Variants in MALRD1 observed in about 807,000 individuals in gnomAD.
MALRD1 encodes MAM and LDL-receptor class A domain-containing protein 1.
A neutral mutation model predicts 242.1 loss-of-function variants in MALRD1; 247 were observed. The ratio of observed to expected loss-of-function variants is 1.02; its 90% CI spans 0.92 to 1.13. The LOEUF (loss-of-function observed/expected upper bound fraction) is 1.13, where lower values mean the gene tolerates loss of function less well. MALRD1 is among the 50% of genes most tolerant of loss of function. The pLI, the probability that MALRD1 is intolerant of heterozygous loss-of-function variation, is 0.00. For missense variants in MALRD1, 2,989 were observed against 2,533.1 expected, an observed-to-expected ratio of 1.18 and a Z score of -3.86; for synonymous variants, 995 against 866.6, an observed-to-expected ratio of 1.15 and a Z score of -2.60.
At chr10:19,342,316 G>A (rs964612592) in intron 24 of MALRD1, among the ~76,000 whole-genome samples, 3 of 152,060 alleles carry the variant, frequency 2.0e-5, no homozygotes, top group Non-Finnish European at 2.9e-5. Context: ...ATCTAAGGAA[G>A]CATCTTATAA....
chr10:19,657,878 C>G (rs541904426), intron 36 of MALRD1, among the ~76,000 whole-genome samples: 1 of 152,154 alleles, frequency 6.6e-6, no homozygotes, highest in South Asian at 2.1e-4. Flanking sequence ...CCAGGTACAA[C>G]AGCTCATGCC....
chr10:19,312,526 G>C (rs1199633541), intron 21 of MALRD1, among the ~76,000 whole-genome samples: 1 of 150,910 alleles, frequency 6.6e-6, no homozygotes, highest in Non-Finnish European at 1.5e-5. Context: ...ATCTAGAAAA[G>C]TGTTTCAATA....
chr10:19,340,419 G>T (rs915346490), intron 24 of MALRD1, among the ~76,000 whole-genome samples: 3 of 150,834 alleles, frequency 2.0e-5, no homozygotes, highest in Non-Finnish European at 4.4e-5. Context: ...GGGCTTACTT[G>T]TAAGGTGTGG....
intron 1 of MALRD1, among the ~76,000 whole-genome samples, chr10:19,053,231 G>T (rs966572274): frequency 6.6e-6 from 1 of 152,210 alleles, no homozygotes; most frequent in African/African-American, 2.4e-5. Context: ...ACACTTGTAA[G>T]CACACGTGAT....
chr10:19,697,133 GA>G (rs1238121778), intron 38 of MALRD1, among the ~76,000 whole-genome samples: 1 of 152,122 alleles, frequency 6.6e-6, no homozygotes, highest in African/African-American at 2.4e-5. Context: ...AGGATACAGA[GA>G]TAGAGACAGA....
At chr10:19,515,486 C>T (rs7087993) in intron 31 of MALRD1, among the ~76,000 whole-genome samples, 106,138 of 151,996 alleles carry the variant, frequency 0.7, 37,723 homozygotes, top group African/African-American at 0.84. Context: ...TCAAGGTTTT[C>T]TTTTAGTAGG....
intron 1 of MALRD1, among the ~76,000 whole-genome samples, chr10:19,059,566 T>C (rs1834762163): frequency 6.6e-6 from 1 of 151,994 alleles, no homozygotes; most frequent in South Asian, 2.1e-4. Flanking sequence ...TTTTTGTATT[T>C]TTCTTAGTAG....
chr10:19,370,612 C>T (rs1472599861), intron 26 of MALRD1, among the ~76,000 whole-genome samples: 1 of 152,130 alleles, frequency 6.6e-6, no homozygotes, highest in African/African-American at 2.4e-5. Context: ...CTCACTGGCT[C>T]TGTTGCCCAG....
At chr10:19,611,503 A>C (rs1453785581) in intron 35 of MALRD1, among the ~76,000 whole-genome samples, 1 of 152,044 alleles carries the variant, frequency 6.6e-6, no homozygotes, top group African/African-American at 2.4e-5. Flanking sequence ...TCAGTTGTGA[A>C]TTGTATTGGC....
At chr10:19,643,109 G>T (rs999407095) in intron 36 of MALRD1, among the ~76,000 whole-genome samples, 2 of 152,082 alleles carry the variant, frequency 1.3e-5, no homozygotes, top group African/African-American at 2.4e-5. Flanking sequence ...TAGTAGTAAT[G>T]TGGTAATTAG....
At position 19,679,287 on chromosome 10, in the gene MALRD1, G is replaced by A. The variant is rs141927180; in HGVS notation, c.6138-12995G>A. On this transcript the variant is annotated intron_variant, in intron 36 of 39. Transcript: ENST00000454679. ...AATTCAGTAGTAAATTCAACTGGTC[G>A]TGGGCTTTTATTTGTTGGTAGACTA... Among the ~76,000 whole-genome samples the A allele has an allele frequency of 1.9e-4, 29 of 152,018 alleles. 2 individuals are homozygous for A. The East Asian group carries it at 5.2e-3, about 27-fold the overall frequency.
At chr10:19,248,366 T>A (rs1376822131) in intron 18 of MALRD1, among the ~76,000 whole-genome samples, 2 of 150,934 alleles carry the variant, frequency 1.3e-5, no homozygotes, top group Non-Finnish European at 2.9e-5. Flanking sequence ...CAAAGTCAGT[T>A]ACATAATGAA....
chr10:19,063,352 CA>C (rs1240803196), intron 1 of MALRD1, among the ~76,000 whole-genome samples: 1 of 152,094 alleles, frequency 6.6e-6, no homozygotes, highest in Non-Finnish European at 1.5e-5. Flanking sequence ...ATAATTCTTA[CA>C]TTGTGTTCTG....
intron 28 of MALRD1, among the ~76,000 whole-genome samples, chr10:19,425,128 G>C (rs1366649471): frequency 6.6e-6 from 1 of 152,074 alleles, no homozygotes; most frequent in Non-Finnish European, 1.5e-5. Flanking sequence ...TTGTCTTCCA[G>C]AGTGGCTTTC....
intron 29 of MALRD1, among the ~76,000 whole-genome samples, chr10:19,464,765 T>A (rs1836134785): frequency 6.6e-6 from 1 of 152,176 alleles, no homozygotes; most frequent in Non-Finnish European, 1.5e-5. Context: ...GGTATTTTCA[T>A]GGGAACTACA....
In MALRD1 at chr10:19,352,661, A is replaced by C. The variant is rs539353815; in HGVS notation, c.4441+364A>C. On this transcript the variant is annotated intron_variant, in intron 26 of 39. Coordinates refer to ENST00000454679, the MANE Select transcript of MALRD1 (RefSeq NM_001142308.3). ...AGGTAAATTGAGGACAGAGTTATTCAATTTTAATTAGACATTTTTGTGGTT... is the reference window on the plus strand; with the variant it reads ...AGGTAAATTGAGGACAGAGTTATTCCATTTTAATTAGACATTTTTGTGGTT... Among the ~76,000 whole-genome samples the C allele has an allele frequency of 8.5e-5, 13 of 152,300 alleles. No homozygotes were observed. In the East Asian group the frequency reaches 2.3e-3, roughly 27 times the overall value.
chr10:19,680,361 T>A (rs7906378), intron 36 of MALRD1, among the ~76,000 whole-genome samples: 231 of 152,334 alleles, frequency 1.5e-3, no homozygotes, highest in African/African-American at 5.1e-3. Flanking sequence ...TTAGCTCTTC[T>A]TGTTGAATTG....
At chr10:19,289,411 A>T (rs1024103831) in intron 21 of MALRD1, among the ~76,000 whole-genome samples, 13 of 152,226 alleles carry the variant, frequency 8.5e-5, no homozygotes, top group South Asian at 6.2e-4. Flanking sequence ...TGAATGAATT[A>T]GTTGCTAATT....
In MALRD1 at chr10:19,124,683, AT is replaced by A. The variant is rs1396754645; in HGVS notation, c.943+14del. On this transcript the variant is annotated intron_variant, in intron 7 of 39. Transcript: ENST00000454679. ...GGTGATGATGAAGGTAGAAAAAAAA[AT>A]AATATCTTTTATGTATTACTTTCAG... The A allele has an allele frequency of 3.0e-5, 37 of 1,233,290 alleles. No homozygotes were observed. Among genetic ancestry groups the A allele is most frequent in the Non-Finnish European group, 3.7e-5 (37 of 987,938 alleles). 76.4% of individuals were successfully genotyped at this position (1,233,290 alleles called of 1,614,324 possible). A position where few individuals can be genotyped will look rare whatever the true frequency, so the allele number is the denominator to read the frequency against.
Sources: allele counts gnomAD v4.1 joint callset (sites outside exome capture counted in the v4.1 genomes callset), GRCh38; gene constraint gnomAD v4.1.1; transcripts MANE v1.5; gene names NCBI Gene and HGNC (gene_info 2026-07-23, HGNC 2026-07-21).